Variants in GOLGA4 observed in about 807,000 individuals in gnomAD.
GOLGA4 encodes the protein golgin A4.
Under a neutral mutation model 265.9 loss-of-function variants are expected in GOLGA4, and 169 were observed. That is an observed-to-expected ratio of 0.64 (90% CI 0.56 to 0.72). GOLGA4 has a LOEUF of 0.72. Among genes scored for constraint, GOLGA4 ranks in the 30% least tolerant of loss-of-function variants. The probability of loss-of-function intolerance (pLI) is 0.00; values close to 1 mark genes in which losing one functional copy is unlikely to be tolerated. For synonymous variants in GOLGA4, 923 were observed against 855.8 expected (o/e 1.08, Z -1.37); for missense variants, 2,482 against 2,483.4 (o/e 1.00, Z 0.01).
chr3:37,268,446 C>T (rs566259654), intron 2 of GOLGA4, among the ~76,000 whole-genome samples: 4 of 151,392 alleles, frequency 2.6e-5, no homozygotes, highest in African/African-American at 9.7e-5. Flanking sequence ...GTAATAGAAG[C>T]TATTAAAAAA....
chr3:37,255,289 G>A (rs892571210), intron 2 of GOLGA4, among the ~76,000 whole-genome samples: 2 of 152,054 alleles, frequency 1.3e-5, no homozygotes, highest in African/African-American at 4.8e-5. Context: ...AACCTCCCGA[G>A]TAACTGGGAT....
intron 20 of GOLGA4, among the ~76,000 whole-genome samples, chr3:37,342,181 A>G (rs962933582): frequency 3.3e-5 from 5 of 152,092 alleles, no homozygotes; most frequent in Non-Finnish European, 5.9e-5. Context: ...CATCTCCACT[A>G]AAAATACAAA....
At chr3:37,269,735 C>T in intron 2 of GOLGA4, among the ~76,000 whole-genome samples, 1 of 152,030 alleles carries the variant, frequency 6.6e-6, no homozygotes, top group Non-Finnish European at 1.5e-5. Flanking sequence ...ATTCACAGGG[C>T]AACTTAGGCC....
At chr3:37,257,953 GTATATATGTATA>G (rs2096755327) in intron 2 of GOLGA4, among the ~76,000 whole-genome samples, 1 of 93,156 alleles carries the variant, frequency 1.1e-5, no homozygotes, top group Non-Finnish European at 1.9e-5. Flanking sequence ...ATATATGTAT[GTATATATGTATA>G]TATACATACA....
intron 22 of GOLGA4, 151 bp from the exon 23 acceptor site, chr3:37,361,092 T>A: frequency 3.3e-6 from 2 of 611,170 alleles, no homozygotes; most frequent in South Asian, 4.2e-5. Context: ...AGATTCCTTA[T>A]TCCTTGCCTG....
intron 2 of GOLGA4, among the ~76,000 whole-genome samples, chr3:37,270,190 G>T (rs571339521): frequency 1.3e-5 from 2 of 148,736 alleles, no homozygotes; most frequent in East Asian, 2.0e-4. Context: ...CACTGAGCCC[G>T]GCCAGTTGTA....
At chr3:37,321,024 G>T (rs2096953448) in intron 12 of GOLGA4, among the ~76,000 whole-genome samples, 1 of 152,268 alleles carries the variant, frequency 6.6e-6, no homozygotes, top group East Asian at 1.9e-4. Context: ...AAGTATTGCA[G>T]TTGGCAATAT....
rs1050546021 is a variant in GOLGA4 at position 37,366,783 on chromosome 3, T to C, written c.*737T>C. 4.6e-5 allele frequency: 7 copies of C among 152,520 alleles called. No individual in the cohort carries two copies. Among genetic ancestry groups the C allele is most frequent in the Admixed American group, 1.3e-4 (2 of 15,306 alleles). The allele number at this position is 152,520 out of a possible 1,614,324, so 9.4% of individuals were successfully genotyped here. A position where few individuals can be genotyped will look rare whatever the true frequency, so the allele number is the denominator to read the frequency against. On this transcript the variant is annotated 3_prime_UTR_variant, in exon 24 of 24. Coordinates refer to ENST00000361924, the MANE Select transcript of GOLGA4 (RefSeq NM_002078.5). ...TATTGTACTTGTTCCTCAGTTGAAA[T>C]CTATTTTAAAATGTTTAAGAATGCA... is the stretch of plus-strand genomic sequence containing the variant.
Position 37,325,758 on chromosome 3 carries a change from C to CT in GOLGA4, c.3876dup (p.Gln1293SerfsTer15). ...GAGGAGCAAAATACACTAAATATTT[C>CT]TTTTCAACAGGCTACTCATCAGTTA... is the stretch of plus-strand genomic sequence containing the variant. On this transcript the variant is annotated frameshift_variant, in exon 14 of 24. Transcript: ENST00000361924. LOFTEE classifies it high-confidence loss of function. 1 of 1,613,542 alleles carries CT rather than the reference C, an allele frequency of 6.2e-7. No individual in the cohort carries two copies. The highest frequency in any genetic ancestry group is 8.5e-7 in the Non-Finnish European group (1 of 1,179,630).
At position 37,327,685 on chromosome 3, in the gene GOLGA4, C is replaced by T. The variant is rs541213552; in HGVS notation, c.5799C>T (p.Ala1933=). 54 of 1,613,842 alleles carry T rather than the reference C, an allele frequency of 3.3e-5. No individual in the cohort carries two copies. The highest frequency in any genetic ancestry group is 4.5e-5 in the East Asian group (2 of 44,866). The change falls in exon 14 of 24, where the codon GCC becomes GCT. Residue 1933 remains alanine, a synonymous_variant. Transcript: ENST00000361924. ...AQHNDLEFKL[A]GAEREKQKLG... Reference sequence around the variant, plus strand: ...ACAATGATCTGGAGTTTAAATTAGCCGGGGCAGAACGGGAGAAACAGAAAC... The same window carrying T: ...ACAATGATCTGGAGTTTAAATTAGCTGGGGCAGAACGGGAGAAACAGAAAC...
intron 17 of GOLGA4, among the ~76,000 whole-genome samples, chr3:37,336,774 A>G (rs569756565): frequency 1.4e-3 from 213 of 150,288 alleles, no homozygotes; most frequent in Non-Finnish European, 2.5e-3. Flanking sequence ...GAAAGAGAGA[A>G]AGAGAGAGAG....
chr3:37,273,046 C>A (rs1231126474), intron 2 of GOLGA4, among the ~76,000 whole-genome samples: 1 of 152,154 alleles, frequency 6.6e-6, no homozygotes, highest in Non-Finnish European at 1.5e-5. Flanking sequence ...ATTATCATTT[C>A]ATTTAGATTG....
intron 12 of GOLGA4, 171 bp downstream of exon 12, chr3:37,319,365 T>C: frequency 2.2e-6 from 1 of 452,106 alleles, no homozygotes; most frequent in Non-Finnish European, 4.0e-6. Context: ...TAGCTTGGTA[T>C]TGTGTGAAAA....
Position 37,321,744 on chromosome 3 carries a change from C to T in GOLGA4, c.1559C>T (p.Ser520Leu). 1 of 1,604,948 alleles carries T rather than the reference C, an allele frequency of 6.2e-7. No homozygotes were observed. Among genetic ancestry groups the T allele is most frequent in the Non-Finnish European group, 8.5e-7 (1 of 1,177,666 alleles). The change falls in exon 13 of 24, where the codon TCA (serine) becomes TTA (leucine). Residue 520 changes from serine (S) to leucine (L), a missense_variant. Coordinates refer to ENST00000361924, the MANE Select transcript of GOLGA4 (RefSeq NM_002078.5). ...QMKVALEKSQ[S>L]EYLKISQEKE... ...TTTTTGGCACAGGAAAAGAGTCAATCAGAATATTTGAAGATCAGCCAAGAA... is the reference window on the plus strand; with the variant it reads ...TTTTTGGCACAGGAAAAGAGTCAATTAGAATATTTGAAGATCAGCCAAGAA...
At chr3:37,300,750 C>T (rs979673764) in intron 9 of GOLGA4, among the ~76,000 whole-genome samples, 2 of 152,132 alleles carry the variant, frequency 1.3e-5, no homozygotes, top group African/African-American at 4.8e-5. Context: ...ACTATAACCA[C>T]ATTATCATGA....
intron 2 of GOLGA4, chr3:37,275,824 A>G (rs2096816075): frequency 1.9e-6 from 3 of 1,613,796 alleles, no homozygotes; most frequent in Admixed American, 3.3e-5. Flanking sequence ...TGCAGTCCAC[A>G]AGAATCGGAA....
intron 16 of GOLGA4, among the ~76,000 whole-genome samples, chr3:37,331,829 TACAC>T (rs2096991366): frequency 7.4e-6 from 1 of 134,942 alleles, no homozygotes; most frequent in African/African-American, 2.5e-5. Context: ...CTAAACACCA[TACAC>T]ATATATATTA....
chr3:37,328,567 A>T, intron 15 of GOLGA4, 30 bp downstream of exon 15: 1 of 1,584,808 alleles, frequency 6.3e-7, no homozygotes, highest in Non-Finnish European at 8.6e-7. Context: ...ATAAGGAACA[A>T]TTATATCAGC....
intron 2 of GOLGA4, among the ~76,000 whole-genome samples, chr3:37,257,202 C>A (rs2096751299): frequency 6.6e-6 from 1 of 152,092 alleles, no homozygotes; most frequent in Non-Finnish European, 1.5e-5. Context: ...ACCACTTTTA[C>A]TTAGCTTAAT....
Sources: allele counts gnomAD v4.1 joint callset (sites outside exome capture counted in the v4.1 genomes callset), GRCh38; gene constraint gnomAD v4.1.1; transcripts MANE v1.5; gene names NCBI Gene and HGNC (gene_info 2026-07-23, HGNC 2026-07-21).